FAT3: variants seen among roughly 807,000 people sequenced by gnomAD.
FAT3 encodes the protein FAT atypical cadherin 3.
Under a neutral mutation model 310.2 loss-of-function variants are expected in FAT3, and 95 were observed. That is an observed-to-expected ratio of 0.31 (90% CI 0.26 to 0.36). The LOEUF (loss-of-function observed/expected upper bound fraction) is 0.36, where lower values mean the gene tolerates loss of function less well. Ranked by LOEUF, FAT3 falls within the 10% of genes least tolerant of loss-of-function variation. The pLI is 1.00. For synonymous variants in FAT3, 2,314 were observed against 2,192.9 expected, an observed-to-expected ratio of 1.06 and a Z score of -1.54; for missense variants, 5,408 against 5,715.6, an observed-to-expected ratio of 0.95 and a Z score of 1.74.
At chr11:92,807,205 C>A (rs961864691) in intron 12 of FAT3, among the ~76,000 whole-genome samples, 7 of 152,116 alleles carry the variant, frequency 4.6e-5, no homozygotes, top group Non-Finnish European at 8.8e-5. Flanking sequence ...GAGTCTTCAC[C>A]TGCACTTGAG....
At chr11:92,736,598 A>G (rs1412888914) in intron 4 of FAT3, among the ~76,000 whole-genome samples, 1 of 152,170 alleles carries the variant, frequency 6.6e-6, no homozygotes, top group African/African-American at 2.4e-5. Context: ...TAAGGGATCT[A>G]TACCTTCTCT....
intron 3 of FAT3, among the ~76,000 whole-genome samples, chr11:92,539,750 T>G (rs369620765): frequency 1.3e-5 from 2 of 152,230 alleles, no homozygotes; most frequent in Non-Finnish European, 2.9e-5. Context: ...AGATAACTGA[T>G]GTTTAACATT....
At chr11:92,257,323 A>G (rs1441714719) in intron 1 of FAT3, among the ~76,000 whole-genome samples, 2 of 152,092 alleles carry the variant, frequency 1.3e-5, no homozygotes, top group Non-Finnish European at 2.9e-5. Flanking sequence ...TAAAGTTTAC[A>G]TTTAAAGCTT....
At chr11:92,555,765 C>T (rs1954995875) in intron 3 of FAT3, among the ~76,000 whole-genome samples, 1 of 152,180 alleles carries the variant, frequency 6.6e-6, no homozygotes, top group African/African-American at 2.4e-5. Context: ...AGACTCATTC[C>T]AAGGCTTTTA....
intron 2 of FAT3, among the ~76,000 whole-genome samples, chr11:92,492,559 T>A (rs997075419): frequency 1.7e-4 from 26 of 152,104 alleles, no homozygotes; most frequent in Non-Finnish European, 3.5e-4. Context: ...ACAATGATGA[T>A]GACAGTGTCC....
At chr11:92,583,472 G>C (rs192848721) in intron 3 of FAT3, among the ~76,000 whole-genome samples, 3 of 152,094 alleles carry the variant, frequency 2.0e-5, no homozygotes, top group African/African-American at 4.8e-5. Context: ...AGCAACCTAA[G>C]ATAACATTCC....
intron 7 of FAT3, among the ~76,000 whole-genome samples, chr11:92,776,341 A>G (rs1946597165): frequency 6.6e-6 from 1 of 152,236 alleles, no homozygotes; most frequent in Non-Finnish European, 1.5e-5. Context: ...GATTCATGTT[A>G]AAAACAACAA....
At chr11:92,460,852 C>T (rs1197353464) in intron 2 of FAT3, among the ~76,000 whole-genome samples, 1 of 152,114 alleles carries the variant, frequency 6.6e-6, no homozygotes, top group Admixed American at 6.6e-5. Flanking sequence ...GAATGTTTCT[C>T]CTTGAATAGG....
chr11:92,829,327 C>T (rs1948180535), intron 13 of FAT3, among the ~76,000 whole-genome samples: 1 of 152,164 alleles, frequency 6.6e-6, no homozygotes, highest in Non-Finnish European at 1.5e-5. Context: ...GCAAGAGCAG[C>T]GTACCATATG....
At chr11:92,243,902 T>C (rs1684680897) in intron 1 of FAT3, among the ~76,000 whole-genome samples, 2 of 152,116 alleles carry the variant, frequency 1.3e-5, no homozygotes, top group Admixed American at 1.3e-4. Flanking sequence ...ACTCTTTGCA[T>C]ATAACAATTG....
At chr11:92,721,814 G>A (rs1171141378) in intron 4 of FAT3, among the ~76,000 whole-genome samples, 1 of 152,138 alleles carries the variant, frequency 6.6e-6, no homozygotes, top group African/African-American at 2.4e-5. Flanking sequence ...CATATCTTAT[G>A]TGCCAGCAGA....
chr11:92,732,316 G>A (rs1227867324), intron 4 of FAT3, among the ~76,000 whole-genome samples: 2 of 152,070 alleles, frequency 1.3e-5, no homozygotes, highest in Non-Finnish European at 2.9e-5. Flanking sequence ...TTATAGAAGC[G>A]ATATAACAAT....
intron 3 of FAT3, among the ~76,000 whole-genome samples, chr11:92,555,102 A>T (rs138012779): frequency 5.1e-4 from 77 of 152,272 alleles, no homozygotes; most frequent in African/African-American, 1.8e-3. Flanking sequence ...TCTTGTTTCA[A>T]TTTTTTCCCA....
At chr11:92,797,177 A>T (rs952103965) in intron 9 of FAT3, among the ~76,000 whole-genome samples, 1 of 152,198 alleles carries the variant, frequency 6.6e-6, no homozygotes, top group Non-Finnish European at 1.5e-5. Context: ...AATAGAAGAG[A>T]AGTCAGGAAA....
chr11:92,414,361 AAAT>A (rs1209985209), intron 2 of FAT3, among the ~76,000 whole-genome samples: 1 of 152,268 alleles, frequency 6.6e-6, no homozygotes, highest in East Asian at 1.9e-4. Flanking sequence ...AGAACTAGAA[AAAT>A]ACCCCACGGA....
intron 2 of FAT3, among the ~76,000 whole-genome samples, chr11:92,418,058 G>A (rs1395971921): frequency 6.6e-6 from 1 of 152,168 alleles, no homozygotes; most frequent in East Asian, 1.9e-4. Context: ...GTGAACTTAA[G>A]CAAGTCACTT....
At chr11:92,366,132 G>A (rs930191439) in intron 2 of FAT3, among the ~76,000 whole-genome samples, 6 of 152,090 alleles carry the variant, frequency 3.9e-5, no homozygotes, top group African/African-American at 9.7e-5. Context: ...GGAGCAGATC[G>A]GCTCTCTTGC....
intron 4 of FAT3, among the ~76,000 whole-genome samples, chr11:92,711,825 TCTC>T (rs1944532251): frequency 6.6e-6 from 1 of 152,212 alleles, no homozygotes; most frequent in Non-Finnish European, 1.5e-5. Flanking sequence ...TATCAGCTAC[TCTC>T]CTTTCTTCCA....
At chr11:92,263,492 C>T (rs1865641012) in intron 1 of FAT3, among the ~76,000 whole-genome samples, 1 of 151,884 alleles carries the variant, frequency 6.6e-6, no homozygotes, top group Non-Finnish European at 1.5e-5. Flanking sequence ...TTGTGAAAAA[C>T]TTTTCTTCCT....
Sources: allele counts gnomAD v4.1 joint callset (sites outside exome capture counted in the v4.1 genomes callset), GRCh38; gene constraint gnomAD v4.1.1; transcripts MANE v1.5; gene names NCBI Gene and HGNC (gene_info 2026-07-23, HGNC 2026-07-21).